The following PTK2B variants were observed in gnomAD, a reference collection of about 807,000 sequenced individuals.
PTK2B encodes protein-tyrosine kinase 2-beta.
PTK2B carries 71 observed loss-of-function variants against 142.9 expected under a neutral mutation model. The ratio of observed to expected loss-of-function variants is 0.50; its 90% CI spans 0.41 to 0.61. The LOEUF (loss-of-function observed/expected upper bound fraction) is 0.61, where lower values mean the gene tolerates loss of function less well. PTK2B is among the 20% of genes least tolerant of loss of function. PTK2B has a pLI of 0.00. For synonymous variants in PTK2B, 519 were observed against 503.4 expected (o/e 1.03, Z -0.42); for missense variants, 1,105 against 1,320.4 (o/e 0.84, Z 2.53).
At chr8:27,372,823 A>T (rs1806440127) in intron 1 of PTK2B, among the ~76,000 whole-genome samples, 1 of 152,190 alleles carries the variant, frequency 6.6e-6, no homozygotes, top group Admixed American at 6.5e-5. Flanking sequence ...CTGGAACTTG[A>T]TCCAGTCCAA....
In PTK2B at chr8:27,436,102, A is replaced by G. The variant is rs553530972; in HGVS notation, c.1244-149A>G. ...TGGGTCTGAGACAGTGGAACATTCT[A>G]GACCCCCATTTCCCCAGCCCAGTCC... On this transcript the variant is annotated intron_variant, in intron 14 of 30. Transcript: ENST00000346049. 11 of 783,392 alleles carry G rather than the reference A, an allele frequency of 1.4e-5. No individual in the cohort carries two copies. The South Asian group carries it at 1.8e-4, about 13-fold the overall frequency. 48.5% of individuals were successfully genotyped at this position (783,392 alleles called of 1,614,324 possible). A position where few individuals can be genotyped will look rare whatever the true frequency, so the allele number is the denominator to read the frequency against.
chr8:27,438,617 T>A (rs1261313774), intron 18 of PTK2B, among the ~76,000 whole-genome samples: 1 of 152,158 alleles, frequency 6.6e-6, no homozygotes, highest in Non-Finnish European at 1.5e-5. Context: ...AGGGAAGTGG[T>A]TGGAGTTTAT....
intron 1 of PTK2B, among the ~76,000 whole-genome samples, chr8:27,388,246 C>A (rs1345605309): frequency 6.6e-6 from 1 of 152,152 alleles, no homozygotes; most frequent in Non-Finnish European, 1.5e-5. Context: ...AACTTTGTGA[C>A]CCACTCAGAG....
chr8:27,337,735 T>A (rs1261129996), intron 1 of PTK2B, among the ~76,000 whole-genome samples: 1 of 152,258 alleles, frequency 6.6e-6, no homozygotes, highest in Non-Finnish European at 1.5e-5. Context: ...CATTTTGTTG[T>A]GTGGATATGC....
At chr8:27,346,578 A>C (rs527557584) in intron 1 of PTK2B, among the ~76,000 whole-genome samples, 1 of 152,208 alleles carries the variant, frequency 6.6e-6, no homozygotes. Context: ...TCTGCTCTTC[A>C]TGCTGCTGTG....
chr8:27,453,382 C>CA (rs1193218047), intron 28 of PTK2B, among the ~76,000 whole-genome samples: 2 of 152,192 alleles, frequency 1.3e-5, no homozygotes, highest in Non-Finnish European at 2.9e-5. Flanking sequence ...TCCCACTCTC[C>CA]ATCCCCCTCC....
chr8:27,310,526 G>A (rs188941921), upstream of PTK2B, among the ~76,000 whole-genome samples: 4 of 152,400 alleles, frequency 2.6e-5, no homozygotes, highest in Admixed American at 2.0e-4. Context: ...CATGGCCTGG[G>A]CCCTTCAGAA....
At position 27,433,468 on chromosome 8, in the gene PTK2B, G is replaced by A. The variant is rs763298731; in HGVS notation, c.1021G>A (p.Ala341Thr). ...LSIKTSSLAE[A>T]ENMADLIDGY... ...CATCAAAACCTCATCCCTAGCAGAG[G>A]CTGAGAACATGGCTGACCTCATAGA... is the stretch of plus-strand genomic sequence containing the variant. The change falls in exon 11 of 31, where the codon GCT becomes ACT. Residue 341 changes from alanine (A) to threonine (T), a missense_variant. Coordinates refer to ENST00000346049, the MANE Select transcript of PTK2B (RefSeq NM_173176.3). The A allele has an allele frequency of 1.2e-6, 2 of 1,614,208 alleles. No homozygotes were observed. Among genetic ancestry groups the A allele is most frequent in the South Asian group, 2.2e-5 (2 of 91,084 alleles).
Position 27,458,628 on chromosome 8 carries a change from G to C in PTK2B, c.*119G>C, listed in dbSNP as rs1375166539. On this transcript the variant is annotated 3_prime_UTR_variant, in exon 31 of 31. Transcript: ENST00000346049. The stretch of plus-strand genomic sequence containing the variant: ...AGGCCAAGGGGAGTCACCTTCCCTT[G>C]CCACTTTGCACGACGCCCTCTCCCC... 4 of 1,080,104 alleles carry C rather than the reference G, an allele frequency of 3.7e-6. No homozygotes were observed. Among genetic ancestry groups the C allele is most frequent in the Non-Finnish European group, 5.3e-6 (4 of 751,370 alleles). The allele number at this position is 1,080,104 out of a possible 1,614,324, so 66.9% of individuals were successfully genotyped here.
At chr8:27,351,889 C>A (rs953547566) in intron 1 of PTK2B, among the ~76,000 whole-genome samples, 6 of 152,220 alleles carry the variant, frequency 3.9e-5, no homozygotes, top group African/African-American at 1.4e-4. Flanking sequence ...AGCCCATCCA[C>A]TGGAGGGAAA....
intron 1 of PTK2B, among the ~76,000 whole-genome samples, chr8:27,396,604 A>T (rs1325617703): frequency 6.6e-6 from 1 of 152,240 alleles, no homozygotes; most frequent in Non-Finnish European, 1.5e-5. Context: ...CCTAGTGATT[A>T]TGTGGAGCTA....
chr8:27,358,273 C>G (rs1156841314), intron 1 of PTK2B, among the ~76,000 whole-genome samples: 1 of 152,184 alleles, frequency 6.6e-6, no homozygotes, highest in African/African-American at 2.4e-5. Flanking sequence ...AGTTTTGTAG[C>G]ACTCAGGCCA....
chr8:27,439,064 C>A lies in PTK2B; in HGVS notation c.1677C>A (p.Ser559=). The change falls in exon 19 of 31, where the codon TCC becomes TCA. Residue 559 remains serine (S), a synonymous_variant. Transcript: ENST00000346049. The part of the protein sequence containing the change: ...DIAVRNILVA[S]PECVKLGDFG... ...CTGTCCGGAACATCCTGGTGGCCTC[C>A]CCTGAGTGTGTGAAGCTGGGGGACT... 1 of 1,614,152 alleles carries A rather than the reference C, an allele frequency of 6.2e-7. No individual in the cohort carries two copies. Among genetic ancestry groups the A allele is most frequent in the South Asian group, 1.1e-5 (1 of 91,078 alleles).
intron 24 of PTK2B, among the ~76,000 whole-genome samples, chr8:27,446,742 GA>G (rs1275950194): frequency 6.6e-6 from 1 of 151,888 alleles, no homozygotes; most frequent in African/African-American, 2.4e-5. Context: ...AATATTTTTT[GA>G]AAAAAATTAG....
At chr8:27,394,973 G>C (rs1807953366) in intron 1 of PTK2B, among the ~76,000 whole-genome samples, 1 of 152,124 alleles carries the variant, frequency 6.6e-6, no homozygotes, top group African/African-American at 2.4e-5. Context: ...CTCTTCAGGG[G>C]CAGTAACAGA....
At chr8:27,434,008 C>T in intron 11 of PTK2B, 85 bp from the exon 12 acceptor site, 3 of 1,494,066 alleles carry the variant, frequency 2.0e-6, no homozygotes, top group Non-Finnish European at 2.8e-6. Flanking sequence ...AGGAGAGTCC[C>T]TTGTAGGAAT....
intron 1 of PTK2B, among the ~76,000 whole-genome samples, chr8:27,358,550 A>G (rs1805518014): frequency 6.6e-6 from 1 of 152,106 alleles, no homozygotes; most frequent in South Asian, 2.1e-4. Context: ...TTGATGTCTT[A>G]ATGTTTTTAG....
chr8:27,431,483 C>A lies in PTK2B; in HGVS notation c.885+11C>A, dbSNP rs761585099. 6.2e-7 allele frequency: 1 copy of A among 1,613,596 alleles called. No individual in the cohort carries two copies. The highest frequency in any genetic ancestry group is 1.7e-5 in the Admixed American group (1 of 60,008). On this transcript the variant is annotated intron_variant, in intron 9 of 30. Transcript: ENST00000346049. ...AGTCAGGACGCAAAGGTAGAGAGAC[C>A]CGGGGCAGCCCCACCCAGCCCCAGG...
At position 27,315,286 on chromosome 8, in the gene PTK2B, T is replaced by C. The variant is rs752456057; in HGVS notation, c.-414+1999T>C. ...TCTTGTGGAAAGTGAGGCCCAGGAA[T>C]CTTCATTTTCACTTGCATGCTAGGT... On this transcript the variant is annotated intron_variant, in intron 3 of 35. Transcript: ENST00000397501. Among the ~76,000 whole-genome samples the C allele has an allele frequency of 1.4e-4, 21 of 152,324 alleles. No homozygotes were observed. The Middle Eastern group carries it at 0.01, about 74-fold the overall frequency.
Sources: gnomAD v4.1 joint callset for allele counts (sites outside exome capture counted in the v4.1 genomes callset) on GRCh38, gnomAD v4.1.1 for gene constraint, MANE v1.5 for transcripts, NCBI Gene and HGNC (gene_info 2026-07-23, HGNC 2026-07-21) for gene names.